MCTP2: variants seen among roughly 807,000 people sequenced by gnomAD.
MCTP2 encodes multiple C2 and transmembrane domain containing 2, also known as multiple C2 and transmembrane domain-containing protein 2.
Under a neutral mutation model 111.6 loss-of-function variants are expected in MCTP2, and 132 were observed. The ratio of observed to expected loss-of-function variants is 1.18; its 90% confidence interval spans 1.03 to 1.37. MCTP2 has a LOEUF of 1.37. Among genes scored for constraint, MCTP2 ranks in the 40% most tolerant of loss-of-function variants. The probability of loss-of-function intolerance (pLI) is 0.00; values close to 1 mark genes in which losing one functional copy is unlikely to be tolerated. For synonymous variants in MCTP2, 395 were observed against 387.7 expected (o/e 1.02, Z -0.22); for missense variants, 1,183 against 1,067.9 (o/e 1.11, Z -1.50).
intron 10 of MCTP2, 143 bp downstream of exon 10, chr15:94,358,755 C>G: frequency 6.7e-6 from 6 of 896,598 alleles, no homozygotes; most frequent in Non-Finnish European, 9.9e-6. Flanking sequence ...ATGGCCAGTC[C>G]TAACTGGGGG....
intron 4 of MCTP2, among the ~76,000 whole-genome samples, chr15:94,336,320 C>A (rs905787881): frequency 5.3e-5 from 8 of 152,190 alleles, no homozygotes; most frequent in African/African-American, 1.9e-4. Context: ...TGGAACTAAT[C>A]TTTCCCACCT....
At chr15:94,384,813 A>G (rs2152456133) in intron 13 of MCTP2, among the ~76,000 whole-genome samples, 1 of 152,346 alleles carries the variant, frequency 6.6e-6, no homozygotes, top group South Asian at 2.1e-4. Flanking sequence ...ATCTATGAAA[A>G]GTGGATTAAC....
At chr15:94,403,390 A>G (rs2081708783) in intron 17 of MCTP2, 2 of 289,408 alleles carry the variant, frequency 6.9e-6, no homozygotes, top group Non-Finnish European at 1.0e-5. Flanking sequence ...TTCCCTTTCA[A>G]AACTTTCCAT....
chr15:94,343,854 T>C lies in MCTP2; in HGVS notation c.970-1275T>C, dbSNP rs934393148. 4 of 152,224 alleles carry C rather than the reference T, an allele frequency of 2.6e-5. No individual in the cohort carries two copies. In the East Asian group the frequency reaches 7.7e-4, roughly 29 times the overall value. 9.4% of individuals were successfully genotyped at this position (152,224 alleles called of 1,614,324 possible). On this transcript the variant is annotated intron_variant, in intron 7 of 22. Coordinates refer to ENST00000357742, the MANE Select transcript of MCTP2 (RefSeq NM_001385001.1). ...CTTGGAATTGGGTAGAGACACTCAA[T>C]ATATGGTAGTTGGTAGCATTGTAGG...
intron 8 of MCTP2, among the ~76,000 whole-genome samples, chr15:94,354,972 T>G (rs1482428721): frequency 6.6e-6 from 1 of 152,252 alleles, no homozygotes; most frequent in Non-Finnish European, 1.5e-5. Context: ...TTTACATTCT[T>G]CAGCCCATTT....
At chr15:94,266,371 C>G (rs994958298) in intron 1 of MCTP2, among the ~76,000 whole-genome samples, 3 of 152,098 alleles carry the variant, frequency 2.0e-5, no homozygotes, top group African/African-American at 7.2e-5. Context: ...TCTCCTCCTC[C>G]AAGATATATG....
At chr15:94,275,597 C>T (rs978421669) in intron 1 of MCTP2, among the ~76,000 whole-genome samples, 2 of 151,946 alleles carry the variant, frequency 1.3e-5, no homozygotes, top group African/African-American at 4.8e-5. Flanking sequence ...CATCTGTAGA[C>T]CACAAAATCA....
At chr15:94,312,201 A>C (rs2076175645) in intron 2 of MCTP2, among the ~76,000 whole-genome samples, 1 of 152,234 alleles carries the variant, frequency 6.6e-6, no homozygotes, top group African/African-American at 2.4e-5. Flanking sequence ...GCTGGAAATC[A>C]GGCAGAACGA....
chr15:94,290,025 C>T (rs62017653), intron 1 of MCTP2, among the ~76,000 whole-genome samples: 42,059 of 151,836 alleles, frequency 0.28, 6,761 homozygotes, highest in East Asian at 0.42. Context: ...ATGTGGGCGG[C>T]CTCTAAAAGC....
At chr15:94,440,785 G>C (rs2083736253) in intron 18 of MCTP2, among the ~76,000 whole-genome samples, 1 of 152,152 alleles carries the variant, frequency 6.6e-6, no homozygotes, top group African/African-American at 2.4e-5. Context: ...GAGAGTGGGT[G>C]GGCTTAGATC....
At chr15:94,351,967 C>T (rs1376974981) in intron 8 of MCTP2, among the ~76,000 whole-genome samples, 1 of 152,178 alleles carries the variant, frequency 6.6e-6, no homozygotes, top group Non-Finnish European at 1.5e-5. Context: ...AGATAAGAGG[C>T]ACCAAGCTGA....
intron 1 of MCTP2, among the ~76,000 whole-genome samples, chr15:94,248,468 C>CT (rs2072174165): frequency 6.6e-6 from 1 of 152,166 alleles, no homozygotes; most frequent in Non-Finnish European, 1.5e-5. Flanking sequence ...AGAGCTCCTT[C>CT]TGTGTTTACT....
At chr15:94,445,598 C>A (rs906245553) in intron 19 of MCTP2, among the ~76,000 whole-genome samples, 4 of 152,062 alleles carry the variant, frequency 2.6e-5, no homozygotes, top group African/African-American at 9.7e-5. Context: ...CTTCTCTGTG[C>A]AGATCAGCTT....
chr15:94,453,571 C>T (rs2084606216), intron 19 of MCTP2, among the ~76,000 whole-genome samples: 1 of 152,110 alleles, frequency 6.6e-6, no homozygotes, highest in Non-Finnish European at 1.5e-5. Context: ...TTTAAGCCTT[C>T]CTGCTAACAG....
chr15:94,306,549 T>C (rs1284661306), intron 2 of MCTP2, among the ~76,000 whole-genome samples: 1 of 152,140 alleles, frequency 6.6e-6, no homozygotes, highest in Non-Finnish European at 1.5e-5. Context: ...ATAAAAAAAG[T>C]TGATCACAAA....
Position 94,284,136 on chromosome 15 carries a change from A to C in MCTP2, c.-65-14065A>C, listed in dbSNP as rs150140650. ...ATGCGACCTACAAACCAATAATTCT[A>C]CTCTGAGGTATGGTGTTTCTCAATG... On this transcript the variant is annotated intron_variant, in intron 1 of 22. Coordinates refer to ENST00000357742, the MANE Select transcript of MCTP2 (RefSeq NM_001385001.1). Among the ~76,000 whole-genome samples, 914 of 152,228 alleles carry C rather than the reference A, an allele frequency of 6.0e-3. 9 individuals carry two copies. The highest frequency in any genetic ancestry group is 0.021 in the African/African-American group (858 of 41,522).
chr15:94,353,613 T>G (rs919689000), intron 8 of MCTP2, among the ~76,000 whole-genome samples: 4 of 152,208 alleles, frequency 2.6e-5, no homozygotes, highest in Non-Finnish European at 5.9e-5. Context: ...TACTCCCTTT[T>G]TTATAAAAAG....
At chr15:94,377,106 G>T (rs974656654) in intron 12 of MCTP2, among the ~76,000 whole-genome samples, 4 of 152,032 alleles carry the variant, frequency 2.6e-5, no homozygotes, top group African/African-American at 9.7e-5. Context: ...GTTTTGAAAC[G>T]TTAAGACTGC....
In MCTP2 at chr15:94,291,608, GA is replaced by G. The variant is rs879791035; in HGVS notation, c.-65-6581del. Among the ~76,000 whole-genome samples the G allele has an allele frequency of 3.1e-3, 337 of 107,348 alleles. 1 individual carries two copies. The highest frequency in any genetic ancestry group is 8.1e-3 in the African/African-American group (234 of 28,750). The allele number at this position is 107,348 out of a possible 152,430, so 70.4% of individuals were successfully genotyped here. A position where few individuals can be genotyped will look rare whatever the true frequency, so the allele number is the denominator to read the frequency against. ...AAGAGCGAAACTCTGTCTCAAAAAA[GA>G]AAAAAAAAAAAGTGAAAATAAAACA... On this transcript the variant is annotated intron_variant, in intron 1 of 22. Transcript: ENST00000357742.
Sources: gnomAD v4.1 joint callset for allele counts (sites outside exome capture counted in the v4.1 genomes callset) on GRCh38, gnomAD v4.1.1 for gene constraint, MANE v1.5 for transcripts, NCBI Gene and HGNC (gene_info 2026-07-23, HGNC 2026-07-21) for gene names.